Variants in KLF17 observed in about 807,000 individuals in gnomAD.
The protein encoded by KLF17 is KLF transcription factor 17.
KLF17 carries 31 observed loss-of-function variants against 34.2 expected under a neutral mutation model. The observed-to-expected ratio is 0.91, with a 90% CI of 0.68 to 1.22. The LOEUF (loss-of-function observed/expected upper bound fraction) is 1.22. Among genes scored for constraint, KLF17 ranks in the 50% most tolerant of loss-of-function variants. KLF17 has a pLI of 0.00. For synonymous variants in KLF17, 179 were observed against 186.7 expected (o/e 0.96, Z 0.34); for missense variants, 478 against 505.2 (o/e 0.95, Z 0.52).
chr1:44,130,828 ACT>A (rs2088100614), intron 3 of KLF17, 72 bp downstream of exon 3: 1 of 1,483,830 alleles, frequency 6.7e-7, no homozygotes, highest in Non-Finnish European at 9.2e-7. Context: ...ACGGAGTCTC[ACT>A]CTGTCTCCCA....
the KLF17 span, among the ~76,000 whole-genome samples, chr1:44,078,289 T>C: frequency 6.6e-6 from 1 of 152,226 alleles, no homozygotes; most frequent in Non-Finnish European, 1.5e-5. Context: ...CAATCTTCTT[T>C]GCCCTGCTTT....
At chr1:44,061,271 A>G in the KLF17 span, 3 of 152,210 alleles carry the variant, frequency 2.0e-5, no homozygotes, top group African/African-American at 7.2e-5. Flanking sequence ...CAGGACCAAC[A>G]TCCATAAACT....
At chr1:44,090,176 A>G in the KLF17 span, among the ~76,000 whole-genome samples, 7 of 151,134 alleles carry the variant, frequency 4.6e-5, no homozygotes, top group Non-Finnish European at 8.9e-5. Flanking sequence ...GGAAGCCTCA[A>G]TTATTTACTA....
chr1:44,081,980 T>G, the KLF17 span, among the ~76,000 whole-genome samples: 3 of 152,230 alleles, frequency 2.0e-5, no homozygotes, highest in Non-Finnish European at 4.4e-5. Flanking sequence ...CAACTTGTTC[T>G]AAAATGTTAA....
chr1:44,104,503 C>T, the KLF17 span: 1 of 753,388 alleles, frequency 1.3e-6, no homozygotes, highest in Non-Finnish European at 2.4e-6. Context: ...TGCTCCTTCT[C>T]CTGGGTGCGC....
the KLF17 span, chr1:44,069,871 C>G: frequency 1.3e-5 from 2 of 152,428 alleles, no homozygotes; most frequent in East Asian, 3.9e-4. The surrounding 1 kb of genome is among the most constrained non-coding windows in gnomAD (Gnocchi z 4.7). Context: ...CTGCTCTTGT[C>G]CAACCTTAGC....
At chr1:44,119,621 G>A (rs900716002) in intron 1 of KLF17, among the ~76,000 whole-genome samples, 2 of 152,162 alleles carry the variant, frequency 1.3e-5, no homozygotes, top group Non-Finnish European at 2.9e-5. Flanking sequence ...GACCCGATTT[G>A]GGAGGCTTAG....
At chr1:44,131,785 C>G (rs1489214939) in intron 3 of KLF17, among the ~76,000 whole-genome samples, 1 of 152,152 alleles carries the variant, frequency 6.6e-6, no homozygotes, top group Non-Finnish European at 1.5e-5. Flanking sequence ...ACCTCTGCCT[C>G]CCGGGTTCAA....
upstream of KLF17, chr1:44,115,441 ACT>A (rs1466190787): frequency 8.6e-6 from 1 of 116,520 alleles, no homozygotes; most frequent in Non-Finnish European, 1.6e-5. Flanking sequence ...ATGGAGCGAG[ACT>A]CTGTGTCAAA....
chr1:44,086,184 C>T, the KLF17 span, among the ~76,000 whole-genome samples: 481 of 152,050 alleles, frequency 3.2e-3, 1 homozygote, highest in Middle Eastern at 0.01. Flanking sequence ...AGAACAGAGA[C>T]GGTGGGGCGT....
chr1:44,103,776 G>C, the KLF17 span: 3 of 1,013,876 alleles, frequency 3.0e-6, no homozygotes, highest in South Asian at 1.3e-5. Context: ...ATCTGTGATG[G>C]CGGCCTCCAG....
chr1:44,104,971 T>C, the KLF17 span: 119 of 158,268 alleles, frequency 7.5e-4, 1 homozygote, highest in Middle Eastern at 0.01. Flanking sequence ...TAGCCAGGTA[T>C]GGTGGAGGAT....
the KLF17 span, among the ~76,000 whole-genome samples, chr1:44,100,488 C>G: frequency 2.0e-5 from 3 of 151,712 alleles, no homozygotes; most frequent in Non-Finnish European, 4.4e-5. Context: ...AGGGGGGGAA[C>G]CTATGATGTA....
the KLF17 span, among the ~76,000 whole-genome samples, chr1:44,086,423 G>A: frequency 4.3e-4 from 66 of 152,144 alleles, no homozygotes; most frequent in East Asian, 3.9e-4. Flanking sequence ...CTGAGATCGC[G>A]CCATTGCGCT....
the KLF17 span, among the ~76,000 whole-genome samples, chr1:44,082,549 T>C: frequency 6.6e-6 from 1 of 152,200 alleles, no homozygotes; most frequent in Non-Finnish European, 1.5e-5. Context: ...GACATTGGTA[T>C]CATGGGGGTT....
In KLF17 at chr1:44,122,122, T is replaced by C. The variant is rs557098571; in HGVS notation, c.81+3134T>C. 50 of 1,322,856 alleles carry C rather than the reference T, an allele frequency of 3.8e-5. No homozygotes were observed. The African/African-American group carries it at 6.9e-4, about 18-fold the overall frequency. The allele number at this position is 1,322,856 out of a possible 1,614,324, so 81.9% of individuals were successfully genotyped here. ...TGTACAAAAAATATCCCAAATCCCG[T>C]ATGACTTTGAAACAGTAATCCTGAG... is the stretch of plus-strand genomic sequence containing the variant. On this transcript the variant is annotated intron_variant, in intron 1 of 3. Coordinates refer to ENST00000372299, the MANE Select transcript of KLF17 (RefSeq NM_173484.4).
the KLF17 span, among the ~76,000 whole-genome samples, chr1:44,085,677 G>A: frequency 4.6e-5 from 7 of 151,888 alleles, no homozygotes; most frequent in South Asian, 6.2e-4. Flanking sequence ...TGGTGGTGTT[G>A]CTTGTAGTCC....
At chr1:44,094,699 A>G in the KLF17 span, among the ~76,000 whole-genome samples, 2 of 152,030 alleles carry the variant, frequency 1.3e-5, no homozygotes, top group Admixed American at 6.6e-5. Context: ...CCACTGGGCA[A>G]TGTGTCTGTT....
the KLF17 span, among the ~76,000 whole-genome samples, chr1:44,048,975 T>G: frequency 6.6e-6 from 1 of 152,310 alleles, no homozygotes; most frequent in Non-Finnish European, 1.5e-5. Context: ...ACTGTCTTAG[T>G]CTGCTGGGGC....
Sources: allele counts gnomAD v4.1 joint callset (sites outside exome capture counted in the v4.1 genomes callset), GRCh38; gene constraint gnomAD v4.1.1; non-coding constraint Gnocchi (gnomAD v3.1); transcripts MANE v1.5; gene names NCBI Gene and HGNC (gene_info 2026-07-23, HGNC 2026-07-21).